Variants in ANO2 observed in about 807,000 individuals in gnomAD.
The protein encoded by ANO2 is anoctamin-2.
A neutral mutation model predicts 124.2 loss-of-function variants in ANO2; 101 were observed. That is an observed-to-expected ratio of 0.81 (90% CI 0.69 to 0.96). ANO2 has a LOEUF of 0.96. Ranked by LOEUF, ANO2 falls within the 40% of genes least tolerant of loss-of-function variation. ANO2 has a pLI of 0.00. For missense variants in ANO2, 1,293 were observed against 1,274.5 expected (o/e 1.01, Z -0.22); for synonymous variants, 486 against 482.5 (o/e 1.01, Z -0.09).
At chr12:5,720,136 G>C (rs1006319710) in intron 14 of ANO2, among the ~76,000 whole-genome samples, 1 of 152,174 alleles carries the variant, frequency 6.6e-6, no homozygotes, top group South Asian at 2.1e-4. Flanking sequence ...GAGCATGGCT[G>C]AGCAGGCTGT....
intron 3 of ANO2, among the ~76,000 whole-genome samples, chr12:5,883,119 G>T (rs1274751007): frequency 1.3e-5 from 2 of 151,904 alleles, no homozygotes; most frequent in Non-Finnish European, 2.9e-5. Flanking sequence ...CACAGCCCGT[G>T]TCAGCCTAAA....
rs771925226 is a variant in ANO2, at chr12:5,615,241, G to A, written c.1873C>T (p.Leu625Phe). 1 of 1,613,800 alleles carries A rather than the reference G, an allele frequency of 6.2e-7. No homozygotes were observed. The highest frequency in any genetic ancestry group is 8.5e-7 in the Non-Finnish European group (1 of 1,179,810). ...EERLILKAFL[L>F]KFVNAYSPIF... ...GGGGAGTAGGCATTGACAAACTTGA[G>A]CAAGAAAGCTTTGAGGATCAGGCGC... The change falls in exon 17 of 25, where the codon CTC (leucine) becomes TTC (phenylalanine). Residue 625 changes from leucine (L) to phenylalanine (F), a missense_variant. Transcript: ENST00000682330.
chr12:5,583,960 G>A (rs1250969689), intron 20 of ANO2: 3 of 232,512 alleles, frequency 1.3e-5, no homozygotes, highest in Non-Finnish European at 2.9e-5. Context: ...AAGGCACGGA[G>A]CACCATGCAT....
At chr12:5,897,469 GT>G (rs1242804751) in intron 3 of ANO2, among the ~76,000 whole-genome samples, 1 of 152,190 alleles carries the variant, frequency 6.6e-6, no homozygotes, top group Non-Finnish European at 1.5e-5. Flanking sequence ...AATGGGCATA[GT>G]AAGTAGAAAT....
intron 4 of ANO2, among the ~76,000 whole-genome samples, chr12:5,849,050 A>C (rs1390883852): frequency 6.6e-6 from 1 of 152,220 alleles, no homozygotes; most frequent in Non-Finnish European, 1.5e-5. Flanking sequence ...AAAAGGCATG[A>C]CTTGCTGGAA....
At chr12:5,809,650 T>C (rs1953322596) in intron 7 of ANO2, among the ~76,000 whole-genome samples, 2 of 152,206 alleles carry the variant, frequency 1.3e-5, no homozygotes, top group African/African-American at 2.4e-5. Flanking sequence ...CCTCAAATTA[T>C]TGGGACATTA....
chr12:5,616,936 CCA>C (rs1565480365), intron 16 of ANO2, among the ~76,000 whole-genome samples: 1 of 151,494 alleles, frequency 6.6e-6, no homozygotes, highest in Non-Finnish European at 1.5e-5. Flanking sequence ...TCACACAGTG[CCA>C]CACTCTCCAG....
At chr12:5,774,180 C>T (rs1240224915) in intron 10 of ANO2, among the ~76,000 whole-genome samples, 1 of 152,150 alleles carries the variant, frequency 6.6e-6, no homozygotes, top group Non-Finnish European at 1.5e-5. Context: ...TTGGGCAGGA[C>T]GCAGTGGCTC....
chr12:5,750,606 G>C (rs564195321), intron 11 of ANO2, among the ~76,000 whole-genome samples: 102 of 152,322 alleles, frequency 6.7e-4, no homozygotes, highest in Non-Finnish European at 1.1e-3. Flanking sequence ...CCCTGGAGAA[G>C]AGCTTGACTA....
intron 19 of ANO2, among the ~76,000 whole-genome samples, chr12:5,603,668 GGGCGCAGTGGCTCAC>G (rs1218688575): frequency 6.6e-6 from 1 of 152,108 alleles, no homozygotes; most frequent in Non-Finnish European, 1.5e-5. Flanking sequence ...TGATGAGGCC[GGGCGCAGTGGCTCAC>G]GCCTGTAATT....
At chr12:5,713,102 A>T (rs1201453845) in intron 14 of ANO2, among the ~76,000 whole-genome samples, 4 of 152,188 alleles carry the variant, frequency 2.6e-5, no homozygotes, top group African/African-American at 4.8e-5. Context: ...AGGAGGAGAG[A>T]CCAGTTAGAG....
chr12:5,935,153 T>C (rs1316535458), intron 1 of ANO2, among the ~76,000 whole-genome samples: 1 of 152,208 alleles, frequency 6.6e-6, no homozygotes, highest in Non-Finnish European at 1.5e-5. Flanking sequence ...AGTGAATTCA[T>C]ATTGTATAGA....
intron 3 of ANO2, among the ~76,000 whole-genome samples, chr12:5,880,860 A>ATGGATGAGTGGATGGG (rs1411381413): frequency 1.4e-5 from 2 of 144,778 alleles, no homozygotes; most frequent in East Asian, 4.1e-4. Flanking sequence ...GGGTGGATAG[A>ATGGATGAGTGGATGGG]TGGATGAGTG....
intron 14 of ANO2, among the ~76,000 whole-genome samples, chr12:5,702,584 A>T (rs1949448990): frequency 6.6e-6 from 1 of 152,146 alleles, no homozygotes; most frequent in Non-Finnish European, 1.5e-5. Flanking sequence ...AAAAAAAAAA[A>T]AAGACCATCA....
chr12:5,801,797 G>A (rs1953049303), intron 9 of ANO2, among the ~76,000 whole-genome samples: 1 of 152,208 alleles, frequency 6.6e-6, no homozygotes, highest in Non-Finnish European at 1.5e-5. Flanking sequence ...GCTCACTCCA[G>A]GGCAGTGGCT....
rs114233462 is a variant in ANO2, at chr12:5,889,854, C to A, written c.534+31186G>T. 5.4e-3 allele frequency among the ~76,000 whole-genome samples: 824 copies of A among 152,354 alleles called. 6 individuals carry two copies. The highest frequency in any genetic ancestry group is 0.019 in the African/African-American group (800 of 41,574). On this transcript the variant is annotated intron_variant, in intron 3 of 24. Coordinates refer to ENST00000682330, the MANE Select transcript of ANO2 (RefSeq NM_001364791.2). ...TCAATGAAGCACCCCGTCCAAGACC[C>A]TTTACCACCTCCTGGTGGCCTGGAG...
intron 4 of ANO2, 92 bp downstream of exon 4, chr12:5,853,951 C>A: frequency 7.1e-6 from 5 of 703,506 alleles, no homozygotes; most frequent in Non-Finnish European, 1.0e-5. Flanking sequence ...TTCAATTCCA[C>A]AAAACCCACA....
chr12:5,939,820 G>C (rs1179125885), intron 1 of ANO2, among the ~76,000 whole-genome samples: 1 of 152,184 alleles, frequency 6.6e-6, no homozygotes, highest in East Asian at 1.9e-4. Flanking sequence ...AGGGAGGCTA[G>C]GAAATAAGGT....
In ANO2 at chr12:5,635,314, T is replaced by A; in HGVS notation, c.1654A>T (p.Ile552Leu). 6.2e-7 allele frequency: 1 copy of A among 1,601,522 alleles called. No individual in the cohort carries two copies. The highest frequency in any genetic ancestry group is 8.5e-7 in the Non-Finnish European group (1 of 1,175,972). ...ALTFSIVFGV[I>L]VYRITTAAAL... ...GCTGCAGTTGTTATTCGATACACTA[T>A]CACCCCAAAGACGATTGAGAATGTC... The change falls in exon 16 of 25, where the codon ATA becomes TTA. Residue 552 changes from isoleucine to leucine, a missense_variant. Physicochemically the swap from Ile to Leu is conservative, Grantham distance 5. Transcript: ENST00000682330. The surrounding 1 kb of genome is among the most constrained non-coding windows in gnomAD (Gnocchi z 5.2).
Sources: allele counts gnomAD v4.1 joint callset (sites outside exome capture counted in the v4.1 genomes callset), GRCh38; gene constraint gnomAD v4.1.1; non-coding constraint Gnocchi (gnomAD v3.1); transcripts MANE v1.5; gene names NCBI Gene and HGNC (gene_info 2026-07-23, HGNC 2026-07-21).